PMS1: variants seen among roughly 807,000 people sequenced by gnomAD.
The protein encoded by PMS1 is PMS1 protein homolog 1.
Under a neutral mutation model 93.1 loss-of-function variants are expected in PMS1, and 79 were observed. That is an observed-to-expected ratio of 0.85 (90% CI 0.71 to 1.02). The LOEUF (loss-of-function observed/expected upper bound fraction) is 1.02. Ranked by LOEUF, PMS1 falls within the 50% of genes least tolerant of loss-of-function variation. The pLI is 0.00. For synonymous variants in PMS1, 335 were observed against 363.4 expected (o/e 0.92, Z 0.89); for missense variants, 1,064 against 1,085.3 (o/e 0.98, Z 0.28).
chr2:189,788,869 A>T (rs1036170335), intron 1 of PMS1, among the ~76,000 whole-genome samples: 1 of 152,224 alleles, frequency 6.6e-6, no homozygotes, highest in Non-Finnish European at 1.5e-5. Flanking sequence ...TGGACAGTGC[A>T]GATCTGTCCC....
intron 1 of PMS1, among the ~76,000 whole-genome samples, chr2:189,786,976 C>T (rs2048405579): frequency 1.3e-5 from 2 of 152,078 alleles, no homozygotes; most frequent in Non-Finnish European, 2.9e-5. Context: ...TCGCTTGAAC[C>T]CGGGAGGTGG....
chr2:189,808,036 TG>T (rs1281559903), intron 4 of PMS1, among the ~76,000 whole-genome samples: 1 of 152,208 alleles, frequency 6.6e-6, no homozygotes, highest in East Asian at 1.9e-4. Context: ...TGATAGGTTT[TG>T]AGTGATTGAA....
chr2:189,816,392 T>C (rs992814702), intron 4 of PMS1, among the ~76,000 whole-genome samples: 1 of 152,218 alleles, frequency 6.6e-6, no homozygotes, highest in African/African-American at 2.4e-5. Flanking sequence ...TCTAGTGTTA[T>C]AGGTGAGAAA....
At chr2:189,847,970 G>A (rs527874635) in intron 6 of PMS1, among the ~76,000 whole-genome samples, 1 of 152,242 alleles carries the variant, frequency 6.6e-6, no homozygotes, top group South Asian at 2.1e-4. Flanking sequence ...TCTTGGCCGG[G>A]GGAAAATTCA....
intron 5 of PMS1, among the ~76,000 whole-genome samples, chr2:189,837,506 C>G (rs540764490): frequency 5.3e-5 from 8 of 152,184 alleles, no homozygotes; most frequent in Non-Finnish European, 1.0e-4. Context: ...TTATTTACTT[C>G]CTTTAATTTT....
At chr2:189,798,229 G>T (rs1490636412) in intron 3 of PMS1, among the ~76,000 whole-genome samples, 1 of 152,184 alleles carries the variant, frequency 6.6e-6, no homozygotes, top group Non-Finnish European at 1.5e-5. Flanking sequence ...AAAATCCTAA[G>T]TAGCACCGTT....
At chr2:189,866,566 G>A (rs2056676406) in intron 10 of PMS1, among the ~76,000 whole-genome samples, 1 of 152,118 alleles carries the variant, frequency 6.6e-6, no homozygotes, top group African/African-American at 2.4e-5. Flanking sequence ...TTCTAATGCT[G>A]TTTGTGTAAC....
intron 5 of PMS1, among the ~76,000 whole-genome samples, chr2:189,838,064 C>A (rs912503727): frequency 6.6e-6 from 1 of 152,008 alleles, no homozygotes; most frequent in African/African-American, 2.4e-5. Flanking sequence ...TAAAATTGTT[C>A]AAAGATTAAA....
intron 10 of PMS1, among the ~76,000 whole-genome samples, chr2:189,865,509 CCTGT>C (rs1231214260): frequency 6.6e-6 from 1 of 152,116 alleles, no homozygotes; most frequent in Non-Finnish European, 1.5e-5. Flanking sequence ...GTAATGACAG[CCTGT>C]CTTTCACTGG....
At chr2:189,827,752 C>G (rs2052561849) in intron 5 of PMS1, among the ~76,000 whole-genome samples, 1 of 151,212 alleles carries the variant, frequency 6.6e-6, no homozygotes, top group Non-Finnish European at 1.5e-5. Context: ...CACAGAGAGA[C>G]AAATACCACA....
In PMS1 at chr2:189,792,688, A is replaced by AATATATATATATAT. The variant is rs3067428; in HGVS notation, c.132+766_132+779dup. On this transcript the variant is annotated intron_variant, in intron 2 of 12. Coordinates refer to ENST00000441310, the MANE Select transcript of PMS1 (RefSeq NM_000534.5). ...AAACATGTATATATATATGGACACA[A>AATATATATATATAT]ATATATATATATATATATATATATA... Among the ~76,000 whole-genome samples the AATATATATATATAT allele has an allele frequency of 4.6e-3, 579 of 127,156 alleles. 7 individuals are homozygous for AATATATATATATAT. The highest frequency in any genetic ancestry group is 0.011 in the African/African-American group (364 of 34,272). 83.4% of individuals were successfully genotyped at this position (127,156 alleles called of 152,430 possible).
intron 10 of PMS1, among the ~76,000 whole-genome samples, chr2:189,867,346 C>G (rs1475900024): frequency 4.6e-5 from 7 of 152,096 alleles, no homozygotes; most frequent in Non-Finnish European, 1.5e-5. Context: ...GGAAGCTCTC[C>G]CAAGCTCTAA....
chr2:189,794,749 A>G (rs910881300), intron 2 of PMS1, among the ~76,000 whole-genome samples: 3 of 152,098 alleles, frequency 2.0e-5, no homozygotes, highest in Non-Finnish European at 4.4e-5. Context: ...TGTTTTTGTT[A>G]TATATGTATA....
intron 10 of PMS1, among the ~76,000 whole-genome samples, chr2:189,865,239 A>G (rs1268592027): frequency 6.6e-6 from 1 of 152,098 alleles, no homozygotes; most frequent in Non-Finnish European, 1.5e-5. Flanking sequence ...AGATCCACAT[A>G]CTACATTTGG....
At chr2:189,877,187 G>T in intron 12 of PMS1, 85 bp from the exon 13 acceptor site, 1 of 1,062,586 alleles carries the variant, frequency 9.4e-7, no homozygotes, top group South Asian at 1.3e-5. Flanking sequence ...AAATAATCAA[G>T]ATTCTGTCTT....
At chr2:189,857,344 C>T (rs1018622858) in intron 9 of PMS1, 20 of 330,448 alleles carry the variant, frequency 6.1e-5, no homozygotes, top group African/African-American at 4.4e-4. Flanking sequence ...TAGAACCTTT[C>T]AGAGCCAGGG....
chr2:189,870,736 G>T (rs1161451657), intron 11 of PMS1, among the ~76,000 whole-genome samples: 1 of 152,146 alleles, frequency 6.6e-6, no homozygotes, highest in Non-Finnish European at 1.5e-5. Flanking sequence ...AAATCACTTA[G>T]ACTGATATTT....
At chr2:189,850,808 C>T (rs2054625392) in intron 6 of PMS1, among the ~76,000 whole-genome samples, 1 of 151,920 alleles carries the variant, frequency 6.6e-6, no homozygotes, top group Admixed American at 6.6e-5. Context: ...TGCAGGGAGT[C>T]AAATAAGAGA....
intron 1 of PMS1, among the ~76,000 whole-genome samples, chr2:189,788,034 A>G (rs2048517760): frequency 6.6e-6 from 1 of 152,066 alleles, no homozygotes; most frequent in Non-Finnish European, 1.5e-5. Context: ...AGAATGAGGA[A>G]TATTGGGATG....
Sources: gnomAD v4.1 joint callset for allele counts (sites outside exome capture counted in the v4.1 genomes callset) on GRCh38, gnomAD v4.1.1 for gene constraint, MANE v1.5 for transcripts, NCBI Gene and HGNC (gene_info 2026-07-23, HGNC 2026-07-21) for gene names.